Variants in ARID4B observed in about 807,000 individuals in gnomAD.
ARID4B encodes AT-rich interactive domain-containing protein 4B.
ARID4B carries 26 observed loss-of-function variants against 147.5 expected under a neutral mutation model. That is an observed-to-expected ratio of 0.18 (90% CI 0.13 to 0.24). The LOEUF (loss-of-function observed/expected upper bound fraction) is 0.24. Ranked by LOEUF, ARID4B falls within the 10% of genes least tolerant of loss-of-function variation. The probability of loss-of-function intolerance (pLI) is 1.00; values close to 1 mark genes in which losing one functional copy is unlikely to be tolerated. For missense variants in ARID4B, 1,179 were observed against 1,511.5 expected (o/e 0.78, Z 3.65); for synonymous variants, 512 against 507.9 (o/e 1.01, Z -0.11).
intron 2 of ARID4B, 25 bp downstream of exon 2, chr1:235,326,889 A>AT (rs1361406484): frequency 1.2e-6 from 2 of 1,613,632 alleles, no homozygotes; most frequent in African/African-American, 2.7e-5. Context: ...AACCCCAGAG[A>AT]TTCGTTTTCC....
At chr1:235,187,170 C>T in intron 19 of ARID4B, 1 of 292,556 alleles carries the variant, frequency 3.4e-6, no homozygotes, top group South Asian at 2.8e-5. Flanking sequence ...CAACCTCCGC[C>T]TCGTGGGTTC....
intron 9 of ARID4B, among the ~76,000 whole-genome samples, chr1:235,231,674 G>A (rs1668245245): frequency 6.6e-6 from 1 of 152,150 alleles, no homozygotes; most frequent in African/African-American, 2.4e-5. Context: ...TTTTAGTAGA[G>A]ACAGGGTTTC....
intron 3 of ARID4B, among the ~76,000 whole-genome samples, chr1:235,257,516 T>G (rs955001266): frequency 1.3e-5 from 2 of 151,888 alleles, no homozygotes; most frequent in Admixed American, 1.3e-4. Context: ...ACAGTCTCAC[T>G]CTGTCGCCCA....
At chr1:235,234,911 G>A (rs899122248) in intron 8 of ARID4B, among the ~76,000 whole-genome samples, 1 of 152,174 alleles carries the variant, frequency 6.6e-6, no homozygotes, top group Admixed American at 6.5e-5. Context: ...CATCTTTGTT[G>A]AAAGAATCTG....
intron 2 of ARID4B, among the ~76,000 whole-genome samples, chr1:235,277,867 T>A (rs953411072): frequency 6.6e-6 from 1 of 152,150 alleles, no homozygotes; most frequent in Non-Finnish European, 1.5e-5. Flanking sequence ...CAAAACTCTA[T>A]CAAAATGCTA....
chr1:235,168,317 T>C lies in ARID4B; in HGVS notation c.*208A>G, dbSNP rs909210487. On this transcript the variant is annotated 3_prime_UTR_variant, in exon 24 of 24. Transcript: ENST00000264183. ...ACCAGACACACAATTCCCAGACAAGTTGGAAACAATTATTGCTTGAGGAAA... is the reference window on the plus strand; with the variant it reads ...ACCAGACACACAATTCCCAGACAAGCTGGAAACAATTATTGCTTGAGGAAA... 13 of 492,030 alleles carry C rather than the reference T, an allele frequency of 2.6e-5. No homozygotes were observed. Among genetic ancestry groups the C allele is most frequent in the Admixed American group, 3.8e-5 (1 of 26,018 alleles). The allele number at this position is 492,030 out of a possible 1,614,324, so 30.5% of individuals were successfully genotyped here.
chr1:235,189,604 T>A (rs1664945831), intron 19 of ARID4B, among the ~76,000 whole-genome samples: 2 of 151,606 alleles, frequency 1.3e-5, no homozygotes, highest in Non-Finnish European at 2.9e-5. Context: ...CAAAGAAAGA[T>A]AACAGCCAAG....
intron 23 of ARID4B, among the ~76,000 whole-genome samples, chr1:235,170,898 G>A (rs1206534890): frequency 4.0e-5 from 5 of 124,086 alleles, no homozygotes; most frequent in African/African-American, 1.3e-4. Flanking sequence ...GTGACTGACC[G>A]AGACTCCGTC....
intron 7 of ARID4B, among the ~76,000 whole-genome samples, chr1:235,244,786 T>C (rs368540567): frequency 6.6e-6 from 1 of 152,142 alleles, no homozygotes; most frequent in Non-Finnish European, 1.5e-5. Flanking sequence ...CTTTTTTCAA[T>C]GGAGTAATGG....
At chr1:235,312,344 ACAGT>A (rs2103280595) in intron 2 of ARID4B, among the ~76,000 whole-genome samples, 1 of 152,020 alleles carries the variant, frequency 6.6e-6, no homozygotes, top group Admixed American at 6.5e-5. Flanking sequence ...CCATTTCAAT[ACAGT>A]CAAACATAAC....
intron 6 of ARID4B, among the ~76,000 whole-genome samples, chr1:235,246,938 CAAAA>C (rs1553302420): frequency 6.6e-6 from 1 of 151,992 alleles, no homozygotes. Context: ...TAATAAGAAA[CAAAA>C]TTAATTATGA....
chr1:235,205,234 A>G (rs1341938143), intron 17 of ARID4B, among the ~76,000 whole-genome samples: 1 of 152,240 alleles, frequency 6.6e-6, no homozygotes, highest in African/African-American at 2.4e-5. Flanking sequence ...TAAGAAAGAA[A>G]AAAAATGAAG....
chr1:235,182,746 C>G lies in ARID4B; in HGVS notation c.2173G>C (p.Ala725Pro). The change falls in exon 20 of 24, where the codon GCT (alanine) becomes CCT (proline). Residue 725 changes from alanine to proline, a missense_variant. Ala to Pro is a conservative substitution (Grantham distance 27). Around this residue, in one of 10 missense-constraint regions of ARID4B, gnomAD observed 321 missense variants for 342.4 expected, o/e 0.94. Transcript: ENST00000264183. Reference protein sequence around the residue: ...EDSEQEDERGAQDMDNNGKEE... With the variant: ...EDSEQEDERGPQDMDNNGKEE... ...TTGCCATTATTATCCATGTCTTGAG[C>G]ACCTCTCTCATCTTCCTGCTCACTG... 6.2e-7 allele frequency: 1 copy of G among 1,608,242 alleles called. No individual in the cohort carries two copies.
intron 2 of ARID4B, among the ~76,000 whole-genome samples, chr1:235,298,825 C>T (rs896690444): frequency 6.6e-6 from 1 of 152,116 alleles, no homozygotes; most frequent in Non-Finnish European, 1.5e-5. Context: ...TCAAGGGGCA[C>T]AGAGATGGGG....
rs1395434263 is a variant in ARID4B at position 235,172,673 on chromosome 1, A to G, written c.3756T>C (p.Ser1252=). 3 of 1,608,162 alleles carry G rather than the reference A, an allele frequency of 1.9e-6. No individual in the cohort carries two copies. The highest frequency in any genetic ancestry group is 2.5e-6 in the Non-Finnish European group (3 of 1,177,440). The change falls in exon 23 of 24, where the codon TCT becomes TCC. Residue 1252 remains serine (S), a synonymous_variant. Transcript: ENST00000264183. ...TCCTCCGATCAATGGAAGCTACTTC[A>G]GATTTTAATGACAGATAATGTTTTC... The part of the protein sequence containing the change: ...EIRKHYLSLK[S]EVASIDRRRK...
intron 5 of ARID4B, 114 bp from the exon 6 acceptor site, chr1:235,252,923 G>T: frequency 2.9e-6 from 2 of 691,036 alleles, no homozygotes; most frequent in Non-Finnish European, 4.7e-6. Context: ...GACTACATTT[G>T]GAATTCAATT....
chr1:235,212,689 T>C (rs929701402), intron 17 of ARID4B, among the ~76,000 whole-genome samples: 1 of 152,188 alleles, frequency 6.6e-6, no homozygotes, highest in Non-Finnish European at 1.5e-5. Flanking sequence ...TTTATATGTA[T>C]GTGAAAGTAG....
chr1:235,276,598 G>A (rs1174119669), intron 2 of ARID4B, among the ~76,000 whole-genome samples: 1 of 151,862 alleles, frequency 6.6e-6, no homozygotes, highest in Non-Finnish European at 1.5e-5. Context: ...GAAGTTCAAG[G>A]CTGTATTGAG....
chr1:235,204,615 A>G (rs1284560909), intron 17 of ARID4B, among the ~76,000 whole-genome samples: 1 of 152,246 alleles, frequency 6.6e-6, no homozygotes, highest in African/African-American at 2.4e-5. Flanking sequence ...ATGTAATAAT[A>G]AGAACACTAA....
Sources: gnomAD v4.1 joint callset for allele counts (sites outside exome capture counted in the v4.1 genomes callset) on GRCh38, gnomAD v4.1.1 for gene constraint, gnomAD v4.1.1 regional missense constraint, MANE v1.5 for transcripts, NCBI Gene and HGNC (gene_info 2026-07-23, HGNC 2026-07-21) for gene names.